The following ADD3 variants were observed in gnomAD, a reference collection of about 807,000 sequenced individuals.
ADD3 encodes adducin 3.
In ADD3, 25 loss-of-function variants were observed where a neutral mutation model predicts 80.2. The observed-to-expected ratio is 0.31, with a 90% CI of 0.23 to 0.44. ADD3 has a LOEUF of 0.44. ADD3 is among the 20% of genes least tolerant of loss of function. The pLI is 1.00. For missense variants in ADD3, 829 were observed against 847.5 expected, an observed-to-expected ratio of 0.98 and a Z score of 0.27; for synonymous variants, 284 against 289.6, an observed-to-expected ratio of 0.98 and a Z score of 0.20.
chr10:110,096,732 C>G (rs1387049785), intron 1 of ADD3, among the ~76,000 whole-genome samples: 2 of 152,058 alleles, frequency 1.3e-5, no homozygotes, highest in East Asian at 3.8e-4. Flanking sequence ...TTGTTTTAGT[C>G]AAAGCAAATC....
At chr10:110,098,208 G>A (rs1325834537) in intron 1 of ADD3, among the ~76,000 whole-genome samples, 1 of 152,164 alleles carries the variant, frequency 6.6e-6, no homozygotes, top group Non-Finnish European at 1.5e-5. Flanking sequence ...GCTTTGAAAT[G>A]GTTGAATATA....
At chr10:110,119,671 T>G (rs893201654) in intron 8 of ADD3, 107 bp downstream of exon 8, 1 of 919,194 alleles carries the variant, frequency 1.1e-6, no homozygotes, top group Admixed American at 2.5e-5. Context: ...TTTTGTCTTT[T>G]AAGAGAAGTT....
chr10:110,117,315 G>A, intron 4 of ADD3, 27 bp from the exon 5 acceptor site: 1 of 1,263,430 alleles, frequency 7.9e-7, no homozygotes, highest in Non-Finnish European at 1.2e-6. Context: ...CCACTTCATA[G>A]TAATTCCCTG....
chr10:110,125,199 GA>G (rs1050963223), intron 10 of ADD3, among the ~76,000 whole-genome samples: 34 of 152,278 alleles, frequency 2.2e-4, no homozygotes, highest in African/African-American at 7.7e-4. Flanking sequence ...TTTGTTTACA[GA>G]GATTGATGGT....
At chr10:110,106,265 T>C (rs1413616225) in intron 2 of ADD3, among the ~76,000 whole-genome samples, 1 of 152,020 alleles carries the variant, frequency 6.6e-6, no homozygotes, top group Non-Finnish European at 1.5e-5. Context: ...ATTATCTGAG[T>C]GTAAGTTAGA....
At chr10:110,087,670 C>T (rs554917584) in intron 1 of ADD3, among the ~76,000 whole-genome samples, 1 of 152,080 alleles carries the variant, frequency 6.6e-6, no homozygotes, top group South Asian at 2.1e-4. Flanking sequence ...AGTGTTTTGA[C>T]GATTTGTTAT....
Position 110,134,050 on chromosome 10 carries a change from G to T in ADD3, c.*432G>T, listed in dbSNP as rs45572145. The stretch of plus-strand genomic sequence containing the variant: ...ATATTTTTGGAGTCCCATTGTTTCA[G>T]TGGGCATTAACAGAATGCTTTAAAA... On this transcript the variant is annotated 3_prime_UTR_variant, in exon 15 of 15. Transcript: ENST00000356080. 773 of 152,954 alleles carry T rather than the reference G, an allele frequency of 5.1e-3. 3 individuals are homozygous for T. Among genetic ancestry groups the T allele is most frequent in the Middle Eastern group, 0.01 (3 of 294 alleles). 9.5% of individuals were successfully genotyped at this position (152,954 alleles called of 1,614,324 possible). A position where few individuals can be genotyped will look rare whatever the true frequency, so the allele number is the denominator to read the frequency against.
intron 1 of ADD3, among the ~76,000 whole-genome samples, chr10:110,011,369 T>A (rs1416358976): frequency 6.6e-6 from 1 of 152,254 alleles, no homozygotes; most frequent in Non-Finnish European, 1.5e-5. Flanking sequence ...ACCATTGTAG[T>A]TGATATGTCA....
chr10:110,048,724 G>A (rs1221108550), intron 1 of ADD3, among the ~76,000 whole-genome samples: 2 of 152,182 alleles, frequency 1.3e-5, no homozygotes, highest in African/African-American at 4.8e-5. Flanking sequence ...GCATTCAAGA[G>A]GTGACTTGGG....
chr10:110,012,327 T>C (rs530162552), intron 1 of ADD3, among the ~76,000 whole-genome samples: 4 of 152,376 alleles, frequency 2.6e-5, no homozygotes, highest in Non-Finnish European at 2.9e-5. Context: ...CAAAATTGAA[T>C]TGCCAGTTGA....
intron 2 of ADD3, 94 bp from the exon 3 acceptor site, chr10:110,112,683 G>A: frequency 7.0e-7 from 1 of 1,427,564 alleles, no homozygotes; most frequent in Non-Finnish European, 9.5e-7. Context: ...AAGCTATTCA[G>A]AAAAGGGATG....
intron 1 of ADD3, among the ~76,000 whole-genome samples, chr10:110,073,784 G>T (rs1589993270): frequency 6.6e-6 from 1 of 152,122 alleles, no homozygotes; most frequent in Admixed American, 6.5e-5. Context: ...GTTTCAGTGG[G>T]CTAAGCTCTA....
At chr10:110,098,634 ATTTT>A (rs71486095) in intron 1 of ADD3, among the ~76,000 whole-genome samples, 1 of 146,582 alleles carries the variant, frequency 6.8e-6, no homozygotes, top group African/African-American at 2.5e-5. Flanking sequence ...TGAATACAGA[ATTTT>A]TTTTTTTTTG....
chr10:110,052,968 T>G (rs1301048429), intron 1 of ADD3, among the ~76,000 whole-genome samples: 1 of 151,708 alleles, frequency 6.6e-6, no homozygotes, highest in Non-Finnish European at 1.5e-5. Flanking sequence ...CCTTGAAGAG[T>G]TTGTCCTGAG....
At chr10:110,118,386 T>C (rs1213227962) in intron 5 of ADD3, among the ~76,000 whole-genome samples, 2 of 152,250 alleles carry the variant, frequency 1.3e-5, no homozygotes, top group Non-Finnish European at 1.5e-5. Context: ...AACAAAGCTA[T>C]ACCTGTTAAC....
chr10:110,017,753 A>C (rs962744538), intron 1 of ADD3, among the ~76,000 whole-genome samples: 2 of 152,200 alleles, frequency 1.3e-5, no homozygotes, highest in African/African-American at 4.8e-5. Flanking sequence ...CTGTATACTG[A>C]ATAAGTACCA....
intron 1 of ADD3, among the ~76,000 whole-genome samples, chr10:110,060,649 A>G (rs918017222): frequency 9.2e-5 from 14 of 152,178 alleles, no homozygotes; most frequent in Admixed American, 6.5e-4. Flanking sequence ...ACAATATTAA[A>G]CTACTTCCTT....
intron 9 of ADD3, among the ~76,000 whole-genome samples, chr10:110,122,861 G>A (rs1036243390): frequency 1.9e-4 from 29 of 151,648 alleles, no homozygotes; most frequent in African/African-American, 6.8e-4. Flanking sequence ...TGAATTCCTG[G>A]GCTCAAGCAG....
intron 1 of ADD3, among the ~76,000 whole-genome samples, chr10:110,008,711 C>T (rs930757716): frequency 4.6e-5 from 7 of 152,104 alleles, no homozygotes; most frequent in African/African-American, 1.7e-4. Flanking sequence ...GTGAGAGGTT[C>T]CTGCGCTTAG....
Sources: gnomAD v4.1 joint callset for allele counts (sites outside exome capture counted in the v4.1 genomes callset) on GRCh38, gnomAD v4.1.1 for gene constraint, MANE v1.5 for transcripts, NCBI Gene and HGNC (gene_info 2026-07-23, HGNC 2026-07-21) for gene names.